The following GPHN variants were observed in gnomAD, a reference collection of about 807,000 sequenced individuals.
The protein encoded by GPHN is gephyrin.
Under a neutral mutation model 95.5 loss-of-function variants are expected in GPHN, and 17 were observed. That is an observed-to-expected ratio of 0.18 (90% CI 0.12 to 0.27). The LOEUF (loss-of-function observed/expected upper bound fraction) is 0.27, where lower values mean the gene tolerates loss of function less well. GPHN is among the 10% of genes least tolerant of loss of function. The pLI is 1.00. For synonymous variants in GPHN, 320 were observed against 322.5 expected (o/e 0.99, Z 0.08); for missense variants, 660 against 978.1 (o/e 0.67, Z 4.34).
intron 9 of GPHN, among the ~76,000 whole-genome samples, chr14:67,018,318 G>T (rs1199338261): frequency 6.6e-6 from 1 of 152,022 alleles, no homozygotes; most frequent in Non-Finnish European, 1.5e-5. Flanking sequence ...ACTGCTAAAA[G>T]AGTTTAGAGA....
chr14:67,301,279 A>C, the GPHN span: 2 of 518,820 alleles, frequency 3.9e-6, no homozygotes, highest in Admixed American at 7.0e-5. Flanking sequence ...TTTATTTCTT[A>C]CAAGTATTTT....
At chr14:67,273,328 T>C in the GPHN span, among the ~76,000 whole-genome samples, 241 of 146,364 alleles carry the variant, frequency 1.6e-3, no homozygotes, top group African/African-American at 5.9e-3. Flanking sequence ...TGTGTCCAAG[T>C]GTTCTCATTT....
At chr14:67,230,260 G>T in the GPHN span, among the ~76,000 whole-genome samples, 1,325 of 152,260 alleles carry the variant, frequency 8.7e-3, 21 homozygotes, top group African/African-American at 0.029. Context: ...CAACCACCCT[G>T]GAAAAGAGTT....
the GPHN span, among the ~76,000 whole-genome samples, chr14:67,268,462 A>T: frequency 1.2e-4 from 18 of 152,216 alleles, no homozygotes; most frequent in African/African-American, 4.1e-4. Flanking sequence ...AAGAATGGCT[A>T]CTCCATAGGC....
At chr14:66,598,556 G>A (rs1222299181) in intron 1 of GPHN, among the ~76,000 whole-genome samples, 1 of 152,056 alleles carries the variant, frequency 6.6e-6, no homozygotes, top group African/African-American at 2.4e-5. Context: ...AAATAAAGAG[G>A]TGGAAAGAGG....
At chr14:67,571,961 A>T in the GPHN span, 5 of 1,546,974 alleles carry the variant, frequency 3.2e-6, no homozygotes, top group Non-Finnish European at 4.4e-6. Flanking sequence ...ACCTCTTCCC[A>T]TGGGCACTTG....
chr14:67,318,981 C>G, the GPHN span, among the ~76,000 whole-genome samples: 1 of 151,986 alleles, frequency 6.6e-6, no homozygotes, highest in African/African-American at 2.4e-5. Context: ...TGGCGTGAAC[C>G]CGGGAGGCGG....
chr14:66,683,203 G>A (rs181658861), intron 2 of GPHN, among the ~76,000 whole-genome samples: 591 of 149,772 alleles, frequency 3.9e-3, no homozygotes, highest in Middle Eastern at 0.014. Context: ...TGCCTGCTTG[G>A]CTTTCTAAGG....
At chr14:67,687,038 C>A in the GPHN span, among the ~76,000 whole-genome samples, 8 of 152,266 alleles carry the variant, frequency 5.3e-5, no homozygotes, top group African/African-American at 1.9e-4. Flanking sequence ...TTGCAGTGTT[C>A]CCGACATGCC....
intron 21 of GPHN, among the ~76,000 whole-genome samples, chr14:67,175,834 G>C (rs532350455): frequency 1.9e-4 from 29 of 152,198 alleles, no homozygotes; most frequent in East Asian, 7.7e-4. Flanking sequence ...TATTCTATTT[G>C]TATCAATTGT....
At chr14:66,526,703 C>T (rs912491199) in intron 1 of GPHN, among the ~76,000 whole-genome samples, 3 of 152,078 alleles carry the variant, frequency 2.0e-5, no homozygotes, top group Non-Finnish European at 2.9e-5. Flanking sequence ...TGAATTTTGT[C>T]GAAGGCCTTT....
chr14:66,918,423 G>A (rs1041892021), intron 6 of GPHN, among the ~76,000 whole-genome samples: 6 of 152,086 alleles, frequency 3.9e-5, no homozygotes, highest in African/African-American at 1.4e-4. Flanking sequence ...GTAGAAAGTG[G>A]GGTCAGAAGG....
chr14:66,926,564 A>G (rs1354269532), intron 8 of GPHN, among the ~76,000 whole-genome samples: 1 of 152,138 alleles, frequency 6.6e-6, no homozygotes, highest in East Asian at 1.9e-4. Context: ...TACTGTACTT[A>G]TATGGATTTG....
At chr14:67,244,734 C>T in the GPHN span, among the ~76,000 whole-genome samples, 2 of 151,966 alleles carry the variant, frequency 1.3e-5, no homozygotes, top group Non-Finnish European at 2.9e-5. Flanking sequence ...GTAGGTATAG[C>T]CTAATTTTAT....
At chr14:67,077,434 G>A (rs965391853) in intron 11 of GPHN, among the ~76,000 whole-genome samples, 5 of 152,098 alleles carry the variant, frequency 3.3e-5, no homozygotes, top group East Asian at 1.9e-4. Flanking sequence ...CTTAAAATGC[G>A]TTTATCAGGA....
chr14:67,497,646 C>T, the GPHN span, among the ~76,000 whole-genome samples: 1 of 152,172 alleles, frequency 6.6e-6, no homozygotes, highest in South Asian at 2.1e-4. Flanking sequence ...GCGGTTTTTG[C>T]ACGATTTTAA....
chr14:67,252,939 A>C, the GPHN span, among the ~76,000 whole-genome samples: 1 of 152,196 alleles, frequency 6.6e-6, no homozygotes, highest in East Asian at 1.9e-4. Context: ...ACACTTTCAC[A>C]TGTTCTTGAT....
the GPHN span, among the ~76,000 whole-genome samples, chr14:67,310,148 T>C: frequency 1.3e-5 from 2 of 152,166 alleles, no homozygotes; most frequent in Non-Finnish European, 2.9e-5. Context: ...TTGTATAATC[T>C]TTTTGCTCAA....
intron 5 of GPHN, among the ~76,000 whole-genome samples, chr14:66,894,700 T>C (rs1325190328): frequency 6.6e-6 from 1 of 152,134 alleles, no homozygotes; most frequent in Non-Finnish European, 1.5e-5. Flanking sequence ...GGGCGAAGGA[T>C]ATGAACAGAC....
Sources: allele counts gnomAD v4.1 joint callset (sites outside exome capture counted in the v4.1 genomes callset), GRCh38; gene constraint gnomAD v4.1.1; transcripts MANE v1.5; gene names NCBI Gene and HGNC (gene_info 2026-07-23, HGNC 2026-07-21).